GSN: variants seen among roughly 807,000 people sequenced by gnomAD.
GSN encodes actin-depolymerizing factor.
A neutral mutation model predicts 85.7 loss-of-function variants in GSN; 56 were observed. The observed-to-expected ratio is 0.65, with a 90% confidence interval of 0.53 to 0.82. The LOEUF (loss-of-function observed/expected upper bound fraction) is 0.82. Among genes scored for constraint, GSN ranks in the 40% least tolerant of loss-of-function variants. GSN has a pLI of 0.00. For missense variants in GSN, 857 were observed against 979.8 expected, an observed-to-expected ratio of 0.87 and a Z score of 1.67; for synonymous variants, 373 against 399.1, an observed-to-expected ratio of 0.93 and a Z score of 0.78.
At chr9:121,214,249 C>T (rs1350072105) in intron 4 of GSN, among the ~76,000 whole-genome samples, 3 of 151,140 alleles carry the variant, frequency 2.0e-5, no homozygotes, top group Non-Finnish European at 4.4e-5. Context: ...CCTTCCTTCT[C>T]TCTCTTTCCT....
intron 4 of GSN, chr9:121,223,089 G>A (rs1329898860): frequency 2.6e-5 from 4 of 152,114 alleles, no homozygotes; most frequent in African/African-American, 9.7e-5. Context: ...CGTTCCTACA[G>A]GAGGGACATA....
intron 17 of GSN, chr9:121,331,773 G>A (rs977107003): frequency 7.6e-6 from 2 of 262,200 alleles, no homozygotes; most frequent in South Asian, 7.4e-5. Context: ...GGCAAAGCAG[G>A]CCAGGCATGG....
Position 121,318,866 on chromosome 9 carries a change from A to G in GSN, c.1177A>G (p.Thr393Ala). Residue 393 changes from threonine (T) to alanine (A), a missense_variant, in exon 10 of 18, where the codon ACA (threonine) becomes GCA (alanine). Coordinates refer to ENST00000432226, the MANE Select transcript of GSN (RefSeq NM_198252.3). This position sits in a 1 kb window ranked among gnomAD's most constrained non-coding sequence, Gnocchi z 4.3. ...CCAGCACGGCATGGATGACGATGGC[A>G]CAGGCCAGAAACAGGTACGTTTAGG... ...AAQHGMDDDGTGQKQIWRIEG... is the reference protein window; with the variant it reads ...AAQHGMDDDGAGQKQIWRIEG... 6.2e-7 allele frequency: 1 copy of G among 1,613,834 alleles called. No homozygotes were observed. Among genetic ancestry groups the G allele is most frequent in the Non-Finnish European group, 8.5e-7 (1 of 1,179,888 alleles).
chr9:121,304,033 A>G (rs2060159605), intron 4 of GSN, among the ~76,000 whole-genome samples: 1 of 152,212 alleles, frequency 6.6e-6, no homozygotes, highest in Non-Finnish European at 1.5e-5. Flanking sequence ...CCACTAAACC[A>G]ACATACCTCT....
intron 11 of GSN, among the ~76,000 whole-genome samples, chr9:121,322,273 C>A (rs1367071747): frequency 2.0e-5 from 3 of 152,126 alleles, no homozygotes; most frequent in Non-Finnish European, 2.9e-5. Context: ...CCCTTCCTTA[C>A]ACAAAAGGTA....
At chr9:121,286,215 C>G (rs1380333074) in intron 2 of GSN, 4 of 1,428,962 alleles carry the variant, frequency 2.8e-6, no homozygotes, top group Non-Finnish European at 3.8e-6. Flanking sequence ...GGGTGGTCCC[C>G]GAAGCCAGCT....
At chr9:121,278,536 G>A (rs763612483) in intron 1 of GSN, among the ~76,000 whole-genome samples, 25 of 152,130 alleles carry the variant, frequency 1.6e-4, no homozygotes, top group Non-Finnish European at 3.1e-4. Context: ...GACTTTCATC[G>A]GGCGAGCTCT....
rs2064031192 is a variant in GSN, at chr9:121,332,350, A to C, written c.2027-84A>C. ...GGACCATAGACCCTCTTCTTTGTCA[A>C]CTCCTGTCCTGAGTCACCCTCTCCC... is the stretch of plus-strand genomic sequence containing the variant. On this transcript the variant is annotated intron_variant, in intron 17 of 17. Coordinates refer to ENST00000432226, the MANE Select transcript of GSN (RefSeq NM_198252.3). The surrounding 1 kb of genome is among the most constrained non-coding windows in gnomAD (Gnocchi z 4.8). 8.2e-7 allele frequency: 1 copy of C among 1,222,182 alleles called. No homozygotes were observed. Among genetic ancestry groups the C allele is most frequent in the Admixed American group, 1.7e-5 (1 of 59,524 alleles). 75.7% of individuals were successfully genotyped at this position (1,222,182 alleles called of 1,614,324 possible). A position where few individuals can be genotyped will look rare whatever the true frequency, so the allele number is the denominator to read the frequency against.
chr9:121,215,087 C>T (rs1165591085), intron 4 of GSN, among the ~76,000 whole-genome samples: 1 of 152,068 alleles, frequency 6.6e-6, no homozygotes, highest in Non-Finnish European at 1.5e-5. Flanking sequence ...AGCCGGCAAT[C>T]CTTGTTGTTC....
At chr9:121,324,309 G>A (rs1391263812) in intron 11 of GSN, among the ~76,000 whole-genome samples, 1 of 152,214 alleles carries the variant, frequency 6.6e-6, no homozygotes, top group African/African-American at 2.4e-5. Flanking sequence ...GTCTCCTGTG[G>A]GACACATTTA....
chr9:121,286,469 A>T (rs1321809269), intron 2 of GSN: 22 of 801,160 alleles, frequency 2.7e-5, no homozygotes, highest in Non-Finnish European at 4.2e-5. Context: ...TGCAGGCCAC[A>T]CCCCCAAGCC....
chr9:121,323,270 A>G lies in GSN; in HGVS notation c.1326-1284A>G, dbSNP rs547545319. On this transcript the variant is annotated intron_variant, in intron 11 of 17. Coordinates refer to ENST00000432226, the MANE Select transcript of GSN (RefSeq NM_198252.3). ...TGTTCACATCTTACATAACCCTTAC[A>G]TAACCATAGCACAATTAACAAAGCC... Among the ~76,000 whole-genome samples, 13 of 152,138 alleles carry G rather than the reference A, an allele frequency of 8.5e-5. No individual in the cohort carries two copies. In the East Asian group the frequency reaches 2.5e-3, roughly 29 times the overall value.
chr9:121,292,045 T>C (rs1016128711), intron 2 of GSN, among the ~76,000 whole-genome samples: 1 of 152,132 alleles, frequency 6.6e-6, no homozygotes, highest in African/African-American at 2.4e-5. Flanking sequence ...TACTGGTGCA[T>C]GTCATCACGC....
Position 121,299,628 on chromosome 9 carries a change from G to A in GSN, c.-9-2335G>A, listed in dbSNP as rs1301016284. 2.1e-6 allele frequency: 1 copy of A among 476,878 alleles called. No individual in the cohort carries two copies. Among genetic ancestry groups the A allele is most frequent in the Non-Finnish European group, 2.7e-6 (1 of 365,030 alleles). 29.5% of individuals were successfully genotyped at this position (476,878 alleles called of 1,614,324 possible). ...AGTGTGCACACAGCTAGCGCCCGCCGTATGTCAGGCCTGGTGCTGGGTCTC... is the reference window on the plus strand; with the variant it reads ...AGTGTGCACACAGCTAGCGCCCGCCATATGTCAGGCCTGGTGCTGGGTCTC... On this transcript the variant is annotated intron_variant, in intron 2 of 17. Transcript: ENST00000432226. The surrounding 1 kb of genome is among the most constrained non-coding windows in gnomAD (Gnocchi z 4.2).
chr9:121,207,753 A>G (rs1407728070), upstream of GSN: 1 of 108,164 alleles, frequency 9.2e-6, no homozygotes, highest in African/African-American at 3.8e-5. Context: ...CAAATCACTT[A>G]ACTTCTCTCT....
At chr9:121,274,351 C>T (rs1221331345) in intron 1 of GSN, among the ~76,000 whole-genome samples, 1 of 152,076 alleles carries the variant, frequency 6.6e-6, no homozygotes, top group African/African-American at 2.4e-5. Context: ...CCTTAACAAT[C>T]CTCAATTATG....
chr9:121,327,359 AC>A lies in GSN; in HGVS notation c.1644del (p.Ser549GlnfsTer58). ...CTCCAACGATGCCTTTGTTCTGAAA[AC>A]CCCCTCAGCCGCCTACCTGTGGGTG... ...LNSNDAFVLKTPSAAYLWVGT... is the reference protein window; with the variant it reads ...LNSNDAFVLKXPSAAYLWVGT... On this transcript the variant is annotated frameshift_variant, in exon 14 of 18. Transcript: ENST00000432226. LOFTEE classifies it high-confidence loss of function. The A allele has an allele frequency of 5.0e-6, 8 of 1,612,446 alleles. No homozygotes were observed. Among genetic ancestry groups the A allele is most frequent in the Non-Finnish European group, 6.8e-6 (8 of 1,179,588 alleles).
intron 4 of GSN, among the ~76,000 whole-genome samples, chr9:121,223,715 G>A (rs141539406): frequency 9.2e-5 from 14 of 151,850 alleles, no homozygotes; most frequent in Middle Eastern, 3.4e-3. Flanking sequence ...GCTGGAGTGC[G>A]GTGGCACAAT....
chr9:121,202,064 G>A, the GSN span, among the ~76,000 whole-genome samples: 2 of 152,192 alleles, frequency 1.3e-5, no homozygotes, highest in South Asian at 2.1e-4. Flanking sequence ...ACGGGCGCTC[G>A]CGCCCGGAGG....
Sources: gnomAD v4.1 joint callset for allele counts (sites outside exome capture counted in the v4.1 genomes callset) on GRCh38, gnomAD v4.1.1 for gene constraint, Gnocchi (gnomAD v3.1) non-coding constraint, MANE v1.5 for transcripts, NCBI Gene and HGNC (gene_info 2026-07-23, HGNC 2026-07-21) for gene names.